STK3: variants seen among roughly 807,000 people sequenced by gnomAD.
STK3 encodes the protein serine/threonine-protein kinase 3.
A neutral mutation model predicts 58.0 loss-of-function variants in STK3; 41 were observed. The ratio of observed to expected loss-of-function variants is 0.71; its 90% CI spans 0.55 to 0.92. The LOEUF is 0.92. STK3 is among the 40% of genes least tolerant of loss of function. The pLI is 0.00. For synonymous variants in STK3, 170 were observed against 191.0 expected (o/e 0.89, Z 0.91); for missense variants, 479 against 602.7 (o/e 0.79, Z 2.15).
At position 98,428,484 on chromosome 8, in the gene STK3, T is replaced by C; in HGVS notation, n.483+5643A>G. 6.2e-7 allele frequency: 1 copy of C among 1,614,124 alleles called. No homozygotes were observed. Among genetic ancestry groups the C allele is most frequent in the Non-Finnish European group, 8.5e-7 (1 of 1,180,032 alleles). The stretch of plus-strand genomic sequence containing the variant: ...GTTCGATGGGCAGCCCCTCGGCAAC[T>C]TCCGCAGGCAGCTGTGGCTGGCGCT... On this transcript the variant is annotated intron_variant and non_coding_transcript_variant, in intron 3 of 3. Coordinates refer to the STK3 transcript ENST00000517832. The surrounding 1 kb of genome is among the most constrained non-coding windows in gnomAD (Gnocchi z 6.7).
At chr8:98,778,453 ATTGTGG>A (rs1388261813) in intron 1 of STK3, among the ~76,000 whole-genome samples, 2 of 152,124 alleles carry the variant, frequency 1.3e-5, no homozygotes, top group African/African-American at 4.8e-5. Context: ...TAGTTCAACC[ATTGTGG>A]AAGACAGTGT....
chr8:98,903,534 TCTTCTTCTTCTTCTTCTTCTTCC>T (rs1564093459), intron 1 of STK3, among the ~76,000 whole-genome samples: 23 of 32,014 alleles, frequency 7.2e-4, no homozygotes, highest in African/African-American at 2.4e-3. Context: ...TTCTTCTTCT[TCTTCTTCTTCTTCTTCTTCTTCC>T]TTTTTTTTTT....
At chr8:98,426,398 C>A (rs1186774185) in intron 3 of STK3, among the ~76,000 whole-genome samples, 2 of 152,188 alleles carry the variant, frequency 1.3e-5, no homozygotes, top group Admixed American at 6.5e-5. Flanking sequence ...ACACACAGCG[C>A]CCTGCAGTCC....
At chr8:98,531,660 C>T (rs751796148) in intron 9 of STK3, among the ~76,000 whole-genome samples, 21 of 152,200 alleles carry the variant, frequency 1.4e-4, no homozygotes. Context: ...CTAGGAAAGT[C>T]TTAGATGACA....
At chr8:98,467,548 ATGTG>A (rs61136775) in intron 10 of STK3, among the ~76,000 whole-genome samples, 8,904 of 148,140 alleles carry the variant, frequency 0.06, 347 homozygotes, top group South Asian at 0.2. Flanking sequence ...TATTTAAAAA[ATGTG>A]TGTGTGTGTG....
At chr8:98,581,925 C>CT (rs1813931554) in intron 7 of STK3, among the ~76,000 whole-genome samples, 1 of 152,082 alleles carries the variant, frequency 6.6e-6, no homozygotes, top group African/African-American at 2.4e-5. Flanking sequence ...GTTACTCAAT[C>CT]TGTCCAGCGG....
At chr8:98,939,365 C>A (rs938490870) in intron 1 of STK3, among the ~76,000 whole-genome samples, 5 of 152,184 alleles carry the variant, frequency 3.3e-5, no homozygotes, top group African/African-American at 1.2e-4. Flanking sequence ...CACAGATTGC[C>A]AGGCCCCACT....
chr8:98,610,496 T>G (rs970564488), intron 6 of STK3, among the ~76,000 whole-genome samples: 1 of 152,232 alleles, frequency 6.6e-6, no homozygotes, highest in African/African-American at 2.4e-5. Flanking sequence ...CTTTCTATTC[T>G]ATTCCCACCT....
intron 6 of STK3, among the ~76,000 whole-genome samples, chr8:98,700,475 G>A (rs1461954198): frequency 6.6e-6 from 1 of 152,186 alleles, no homozygotes; most frequent in Non-Finnish European, 1.5e-5. Context: ...GCTGGGAGCT[G>A]TAGACCAGAG....
At chr8:98,818,236 T>TA (rs933685354) in intron 1 of STK3, among the ~76,000 whole-genome samples, 1 of 152,206 alleles carries the variant, frequency 6.6e-6, no homozygotes, top group African/African-American at 2.4e-5. Flanking sequence ...ACACACTACT[T>TA]ATATCTTTCA....
At chr8:98,699,470 G>A (rs1403177876) in intron 6 of STK3, among the ~76,000 whole-genome samples, 1 of 151,868 alleles carries the variant, frequency 6.6e-6, no homozygotes, top group African/African-American at 2.4e-5. Flanking sequence ...TTTCTGCTCT[G>A]TTTTTTCCCC....
At chr8:98,382,746 A>T (rs1439941689) in intron 1 of STK3, among the ~76,000 whole-genome samples, 2 of 152,086 alleles carry the variant, frequency 1.3e-5, no homozygotes, top group Non-Finnish European at 1.5e-5. Flanking sequence ...CGTCCACTCC[A>T]GCGGCCACAT....
At chr8:98,363,588 G>A in the STK3 span, among the ~76,000 whole-genome samples, 1 of 152,066 alleles carries the variant, frequency 6.6e-6, no homozygotes, top group Non-Finnish European at 1.5e-5. Context: ...TGTTCTGTTG[G>A]AATGAAAAAA....
chr8:98,929,155 A>G (rs538266261), intron 1 of STK3, among the ~76,000 whole-genome samples: 30 of 152,278 alleles, frequency 2.0e-4, no homozygotes, highest in Admixed American at 1.2e-3. Flanking sequence ...AATCCCAGCT[A>G]CTTGGGAAGC....
intron 7 of STK3, chr8:98,595,341 T>C (rs1355704833): frequency 6.6e-5 from 10 of 151,902 alleles, no homozygotes; most frequent in Admixed American, 6.6e-4. Context: ...ACCCAATGGT[T>C]CCTTTAGAGA....
intron 10 of STK3, among the ~76,000 whole-genome samples, chr8:98,471,310 C>A (rs184619729): frequency 6.6e-6 from 1 of 151,600 alleles, no homozygotes; most frequent in Non-Finnish European, 1.5e-5. Context: ...TTTGACACTG[C>A]AGATTTTTCT....
intron 1 of STK3, among the ~76,000 whole-genome samples, chr8:98,384,445 T>C (rs867896379): frequency 2.6e-5 from 4 of 152,360 alleles, no homozygotes; most frequent in Middle Eastern, 3.4e-3. Context: ...TTTTGTTCAA[T>C]TATTTATTCA....
Position 98,792,892 on chromosome 8 carries a change from C to CTGTGTG in STK3, c.27-18074_27-18073insCACACA, listed in dbSNP as rs1299614188. 8.4e-3 allele frequency among the ~76,000 whole-genome samples: 825 copies of CTGTGTG among 98,230 alleles called. 5 individuals carry two copies. The highest frequency in any genetic ancestry group is 0.034 in the African/African-American group (770 of 22,642). The allele number at this position is 98,230 out of a possible 152,430, so 64.4% of individuals were successfully genotyped here. On this transcript the variant is annotated intron_variant, in intron 1 of 10. Coordinates refer to ENST00000419617, the MANE Select transcript of STK3 (RefSeq NM_006281.4). ...ATCAATCAACAACTGGATAAAGAGA[C>CTGTGTG]TGTATGTGTGTGTGTGTGTGTGTGT... is the stretch of plus-strand genomic sequence containing the variant.
At chr8:98,510,412 C>T (rs1824416640) in intron 10 of STK3, among the ~76,000 whole-genome samples, 1 of 151,926 alleles carries the variant, frequency 6.6e-6, no homozygotes, top group Non-Finnish European at 1.5e-5. Flanking sequence ...GCTCCCTACC[C>T]TCACCCATAT....
Sources: gnomAD v4.1 joint callset for allele counts (sites outside exome capture counted in the v4.1 genomes callset) on GRCh38, gnomAD v4.1.1 for gene constraint, Gnocchi (gnomAD v3.1) non-coding constraint, MANE v1.5 for transcripts, NCBI Gene and HGNC (gene_info 2026-07-23, HGNC 2026-07-21) for gene names.